The following PPP1R9A variants were observed in gnomAD, a reference collection of about 807,000 sequenced individuals.
The protein encoded by PPP1R9A is protein phosphatase 1 regulatory subunit 9A, also known as neurabin-1.
Under a neutral mutation model 141.9 loss-of-function variants are expected in PPP1R9A, and 59 were observed. That is an observed-to-expected ratio of 0.42 (90% CI 0.34 to 0.52). The LOEUF (loss-of-function observed/expected upper bound fraction) is 0.52, where lower values mean the gene tolerates loss of function less well. Ranked by LOEUF, PPP1R9A falls within the 20% of genes least tolerant of loss-of-function variation. PPP1R9A has a pLI of 0.10. For synonymous variants in PPP1R9A, 500 were observed against 569.7 expected (o/e 0.88, Z 1.74); for missense variants, 1,444 against 1,611.9 (o/e 0.90, Z 1.78).
chr7:94,983,342 A>G (rs1195215826), intron 2 of PPP1R9A, among the ~76,000 whole-genome samples: 1 of 152,182 alleles, frequency 6.6e-6, no homozygotes, highest in East Asian at 1.9e-4. Flanking sequence ...TGAACTTTAA[A>G]GTAGTTTTTT....
intron 2 of PPP1R9A, among the ~76,000 whole-genome samples, chr7:95,086,281 T>C (rs537254815): frequency 6.6e-6 from 1 of 152,166 alleles, no homozygotes; most frequent in South Asian, 2.1e-4. Context: ...AATTTTAGTT[T>C]AGGATTTTTA....
At chr7:95,150,170 AAT>A (rs1179416284) in intron 4 of PPP1R9A, among the ~76,000 whole-genome samples, 1 of 152,106 alleles carries the variant, frequency 6.6e-6, no homozygotes, top group African/African-American at 2.4e-5. Context: ...AAAAAAAAAA[AAT>A]CTGAAGAAGT....
At chr7:95,034,642 C>A (rs953357484) in intron 2 of PPP1R9A, among the ~76,000 whole-genome samples, 1 of 152,096 alleles carries the variant, frequency 6.6e-6, no homozygotes, top group Non-Finnish European at 1.5e-5. Context: ...CATGAGCCAC[C>A]ACACCCGGTC....
chr7:95,203,115 G>A (rs1789945128), intron 6 of PPP1R9A, among the ~76,000 whole-genome samples: 1 of 151,770 alleles, frequency 6.6e-6, no homozygotes, highest in East Asian at 1.9e-4. Flanking sequence ...TTCATAATTT[G>A]TTTTCATTAC....
At chr7:95,209,327 A>T (rs1791583929) in intron 7 of PPP1R9A, among the ~76,000 whole-genome samples, 1 of 152,180 alleles carries the variant, frequency 6.6e-6, no homozygotes, top group Non-Finnish European at 1.5e-5. Context: ...TCAGTATGAG[A>T]ATATCATGGT....
At position 95,226,041 on chromosome 7, in the gene PPP1R9A, T is replaced by C; in HGVS notation, c.2037T>C (p.Phe679=). 3 of 1,613,494 alleles carry C rather than the reference T, an allele frequency of 1.9e-6. No individual in the cohort carries two copies. The highest frequency in any genetic ancestry group is 2.5e-6 in the Non-Finnish European group (3 of 1,179,502). ...GCAGCGACATGGCCATTGAAGTCTTTGAGCTGCCTGAGAATGAGGACATGT... is the reference window on the plus strand; with the variant it reads ...GCAGCGACATGGCCATTGAAGTCTTCGAGCTGCCTGAGAATGAGGACATGT... ...LPGSDMAIEV[F]ELPENEDMFS... Residue 679 remains phenylalanine (F), a synonymous_variant, in exon 8 of 20, where the codon TTT becomes TTC. Transcript: ENST00000433360.
intron 2 of PPP1R9A, among the ~76,000 whole-genome samples, chr7:94,966,390 G>T (rs916142088): frequency 4.6e-5 from 7 of 152,076 alleles, no homozygotes; most frequent in Non-Finnish European, 1.0e-4. Context: ...TCCTTGTCTT[G>T]TGCTGGTTTT....
At chr7:95,191,787 C>G (rs1253871444) in intron 5 of PPP1R9A, among the ~76,000 whole-genome samples, 2 of 151,932 alleles carry the variant, frequency 1.3e-5, no homozygotes, top group Non-Finnish European at 2.9e-5. Context: ...ATTTTACTAT[C>G]ACACATTATT....
At chr7:95,055,318 G>A (rs1174532678) in intron 2 of PPP1R9A, among the ~76,000 whole-genome samples, 1 of 151,992 alleles carries the variant, frequency 6.6e-6, no homozygotes, top group Non-Finnish European at 1.5e-5. Flanking sequence ...GTTTTCTGTT[G>A]AGAACTCTAG....
At chr7:94,975,245 T>C (rs1354283697) in intron 2 of PPP1R9A, among the ~76,000 whole-genome samples, 5 of 152,024 alleles carry the variant, frequency 3.3e-5, no homozygotes, top group African/African-American at 1.2e-4. Context: ...AGTTTATTCA[T>C]AGATGAAGAA....
intron 7 of PPP1R9A, among the ~76,000 whole-genome samples, chr7:95,220,730 G>A (rs1794299107): frequency 1.3e-5 from 2 of 152,130 alleles, no homozygotes; most frequent in African/African-American, 2.4e-5. Context: ...AAGTTGATGA[G>A]AGAAGGCAGA....
chr7:95,135,268 C>A (rs1178982367), intron 4 of PPP1R9A, among the ~76,000 whole-genome samples: 1 of 152,126 alleles, frequency 6.6e-6, no homozygotes, highest in Non-Finnish European at 1.5e-5. Context: ...AATTTGTATC[C>A]CAGTAACTCT....
intron 18 of PPP1R9A, among the ~76,000 whole-genome samples, chr7:95,288,315 A>C (rs1435761888): frequency 6.6e-6 from 1 of 152,230 alleles, no homozygotes; most frequent in African/African-American, 2.4e-5. Context: ...TCCTACATTA[A>C]TAATGGTGCT....
rs200289854 is a variant in PPP1R9A, at chr7:95,278,153, CT to C, written c.3296+3987del. Among the ~76,000 whole-genome samples the C allele has an allele frequency of 3.8e-3, 572 of 152,272 alleles. 4 individuals are homozygous for C. Among genetic ancestry groups the C allele is most frequent in the South Asian group, 0.03 (144 of 4,820 alleles). ...AGGCAAGTCTCTGAATTCCTGGGACCTTGGTTTCCTACCAAAAAATAAGTGG... is the reference window on the plus strand; with the variant it reads ...AGGCAAGTCTCTGAATTCCTGGGACCTGGTTTCCTACCAAAAAATAAGTGG... On this transcript the variant is annotated intron_variant, in intron 16 of 19. Coordinates refer to ENST00000433360, the MANE Select transcript of PPP1R9A (RefSeq NM_001166160.2).
chr7:95,267,947 C>T (rs974931046), intron 12 of PPP1R9A, among the ~76,000 whole-genome samples: 1 of 152,112 alleles, frequency 6.6e-6, no homozygotes, highest in Non-Finnish European at 1.5e-5. Context: ...CCCCAGCTAT[C>T]GTCAATTTGC....
chr7:95,054,608 A>G (rs758886012), intron 2 of PPP1R9A, among the ~76,000 whole-genome samples: 30 of 152,086 alleles, frequency 2.0e-4, no homozygotes, highest in Non-Finnish European at 4.4e-4. Flanking sequence ...TACTGGAGCT[A>G]TAAGGCCCTA....
intron 3 of PPP1R9A, among the ~76,000 whole-genome samples, chr7:95,117,292 GGAAT>G (rs1821695789): frequency 6.6e-6 from 1 of 151,966 alleles, no homozygotes; most frequent in African/African-American, 2.4e-5. Flanking sequence ...GTCAGCCACA[GGAAT>G]AATAAGTGGC....
intron 12 of PPP1R9A, among the ~76,000 whole-genome samples, chr7:95,253,387 C>A (rs1343394541): frequency 6.6e-6 from 1 of 152,082 alleles, no homozygotes; most frequent in Non-Finnish European, 1.5e-5. Context: ...GAACTAAGCT[C>A]TTAGCCATTA....
At chr7:94,937,510 T>C (rs369531220) in intron 2 of PPP1R9A, among the ~76,000 whole-genome samples, 1 of 152,214 alleles carries the variant, frequency 6.6e-6, no homozygotes. Context: ...CCTAGTATAA[T>C]TGGATCATAA....
Sources: allele counts gnomAD v4.1 joint callset (sites outside exome capture counted in the v4.1 genomes callset), GRCh38; gene constraint gnomAD v4.1.1; transcripts MANE v1.5; gene names NCBI Gene and HGNC (gene_info 2026-07-23, HGNC 2026-07-21).